SLC5A4: variants seen among roughly 807,000 people sequenced by gnomAD.
SLC5A4 encodes solute carrier family 5 member 4.
A neutral mutation model predicts 70.3 loss-of-function variants in SLC5A4; 55 were observed. That is an observed-to-expected ratio of 0.78 (90% CI 0.63 to 0.98). The LOEUF (loss-of-function observed/expected upper bound fraction) is 0.98. Among genes scored for constraint, SLC5A4 ranks in the 50% least tolerant of loss-of-function variants. The pLI is 0.00. For missense variants in SLC5A4, 735 were observed against 839.2 expected, an observed-to-expected ratio of 0.88 and a Z score of 1.53; for synonymous variants, 268 against 305.7, an observed-to-expected ratio of 0.88 and a Z score of 1.29.
the SLC5A4 span, among the ~76,000 whole-genome samples, chr22:32,349,279 C>T: frequency 0.057 from 8,709 of 152,260 alleles, 261 homozygotes; most frequent in South Asian, 0.084. Context: ...GGCCTTCCCA[C>T]GCCTTTTTTA....
At chr22:32,284,422 A>G in the SLC5A4 span, among the ~76,000 whole-genome samples, 1 of 152,096 alleles carries the variant, frequency 6.6e-6, no homozygotes, top group African/African-American at 2.4e-5. Context: ...TCTGCTTCAC[A>G]TGGTGTTGGG....
chr22:32,283,411 C>T, the SLC5A4 span, among the ~76,000 whole-genome samples: 2 of 152,252 alleles, frequency 1.3e-5, no homozygotes, highest in South Asian at 2.1e-4. Flanking sequence ...GCAACAGCTA[C>T]AGACGTGACA....
the SLC5A4 span, among the ~76,000 whole-genome samples, chr22:32,335,494 T>G: frequency 0.26 from 38,892 of 152,062 alleles, 5,616 homozygotes; most frequent in East Asian, 0.56. Flanking sequence ...GTTCTTCCTA[T>G]GAGCGGAGTA....
the SLC5A4 span, among the ~76,000 whole-genome samples, chr22:32,264,027 G>A: frequency 2.0e-5 from 3 of 151,844 alleles, no homozygotes; most frequent in Non-Finnish European, 4.4e-5. Context: ...ATCATACACC[G>A]GGGCCTGTCA....
At chr22:32,288,169 A>G in the SLC5A4 span, among the ~76,000 whole-genome samples, 16 of 152,220 alleles carry the variant, frequency 1.1e-4, no homozygotes, top group African/African-American at 3.6e-4. Context: ...CCTCAATTTC[A>G]AGCTGGATTT....
the SLC5A4 span, among the ~76,000 whole-genome samples, chr22:32,306,566 TTGGTTTTCC>T: frequency 3.3e-5 from 5 of 152,176 alleles, no homozygotes; most frequent in African/African-American, 9.7e-5. Flanking sequence ...AGGAATGTTT[TTGGTTTTCC>T]TGGTTATCAG....
the SLC5A4 span, among the ~76,000 whole-genome samples, chr22:32,303,583 CT>C: frequency 7.1e-6 from 1 of 141,100 alleles, no homozygotes. Flanking sequence ...AGATTGGCTT[CT>C]TTCACTCAGT....
chr22:32,239,152 C>T (rs1009278755), intron 5 of SLC5A4, 62 bp from the exon 6 acceptor site: 7 of 1,184,816 alleles, frequency 5.9e-6, no homozygotes, highest in African/African-American at 1.5e-5. Context: ...GCTTCTCTGC[C>T]CCAATGTCCA....
intron 5 of SLC5A4, among the ~76,000 whole-genome samples, chr22:32,246,104 T>C (rs767549640): frequency 1.3e-5 from 2 of 152,258 alleles, no homozygotes; most frequent in Non-Finnish European, 2.9e-5. Context: ...GCATGTATTT[T>C]AGTACATTTA....
At chr22:32,344,512 G>A in the SLC5A4 span, among the ~76,000 whole-genome samples, 1 of 152,048 alleles carries the variant, frequency 6.6e-6, no homozygotes, top group Admixed American at 6.6e-5. Context: ...TGTCTCTTAT[G>A]CGATATTGAC....
the SLC5A4 span, among the ~76,000 whole-genome samples, chr22:32,262,839 G>A: frequency 3.3e-5 from 5 of 151,736 alleles, no homozygotes; most frequent in African/African-American, 7.3e-5. Flanking sequence ...GCGTGATCTC[G>A]GCTCACTGCA....
chr22:32,308,689 ACT>A, the SLC5A4 span, among the ~76,000 whole-genome samples: 1 of 149,918 alleles, frequency 6.7e-6, no homozygotes, highest in Non-Finnish European at 1.5e-5. Context: ...CCCTGGGAAC[ACT>A]GTCAGCTGCC....
the SLC5A4 span, among the ~76,000 whole-genome samples, chr22:32,261,778 GT>G: frequency 6.6e-6 from 1 of 152,138 alleles, no homozygotes; most frequent in African/African-American, 2.4e-5. Flanking sequence ...TATTCATTCT[GT>G]TTTTTTGTAC....
the SLC5A4 span, among the ~76,000 whole-genome samples, chr22:32,293,916 G>C: frequency 6.6e-6 from 1 of 152,078 alleles, no homozygotes; most frequent in East Asian, 1.9e-4. Flanking sequence ...GTTTGATATA[G>C]TAGTATAAAA....
At chr22:32,340,205 G>A in the SLC5A4 span, among the ~76,000 whole-genome samples, 2 of 152,188 alleles carry the variant, frequency 1.3e-5, no homozygotes, top group Non-Finnish European at 2.9e-5. Context: ...CAGCTGGGGA[G>A]GCTAAATGGC....
the SLC5A4 span, among the ~76,000 whole-genome samples, chr22:32,319,912 G>A: frequency 6.6e-6 from 1 of 151,804 alleles, no homozygotes; most frequent in African/African-American, 2.4e-5. Flanking sequence ...CACAGGGTCA[G>A]CACTCAATTA....
At chr22:32,331,832 T>TGGGGTTCCTCCTGCCACGGGTGG in the SLC5A4 span, among the ~76,000 whole-genome samples, 2 of 152,016 alleles carry the variant, frequency 1.3e-5, 1 homozygote, top group Non-Finnish European at 2.9e-5. Flanking sequence ...CCATTCGCCC[T>TGGGGTTCCTCCTGCCACGGGTGG]GGGGTTCCTC....
chr22:32,257,466 CAT>C (rs1488091733), upstream of SLC5A4, among the ~76,000 whole-genome samples: 1 of 151,322 alleles, frequency 6.6e-6, no homozygotes, highest in Non-Finnish European at 1.5e-5. Context: ...GTGATCCTCC[CAT>C]CTCAGCCTCC....
chr22:32,311,425 C>T, the SLC5A4 span, among the ~76,000 whole-genome samples: 7,746 of 152,326 alleles, frequency 0.051, 224 homozygotes, highest in Admixed American at 0.07. Flanking sequence ...ATGAGTGTGT[C>T]TACACTGGCA....
Sources: allele counts gnomAD v4.1 joint callset (sites outside exome capture counted in the v4.1 genomes callset), GRCh38; gene constraint gnomAD v4.1.1; transcripts MANE v1.5; gene names NCBI Gene and HGNC (gene_info 2026-07-23, HGNC 2026-07-21).